Variants in AKAP9 observed in about 807,000 individuals in gnomAD.
AKAP9 encodes the protein A-kinase anchoring protein 9.
AKAP9 carries 311 observed loss-of-function variants against 488.5 expected under a neutral mutation model. The ratio of observed to expected loss-of-function variants is 0.64; its 90% CI spans 0.58 to 0.70. AKAP9 has a LOEUF of 0.70. AKAP9 is among the 30% of genes least tolerant of loss of function. AKAP9 has a pLI of 0.00. For synonymous variants in AKAP9, 1,462 were observed against 1,483.5 expected (o/e 0.99, Z 0.33); for missense variants, 4,215 against 4,374.5 (o/e 0.96, Z 1.03).
In AKAP9 at chr7:92,022,835, T is replaced by A; in HGVS notation, c.3974T>A (p.Leu1325Ter). 6.3e-7 allele frequency: 1 copy of A among 1,598,030 alleles called. No individual in the cohort carries two copies. The highest frequency in any genetic ancestry group is 8.6e-7 in the Non-Finnish European group (1 of 1,167,830). ...EDIDVNHKSK[L>*]SSLQDLEKTK... ...ATAGATGTCAATCATAAAAGCAAGT[T>A]ATCTTCTCTGCAAGATCTTGAAAAA... Residue 1325 changes from leucine to a stop codon, truncating the protein, a stop_gained, in exon 14 of 50, where the codon TTA (leucine) becomes TAA (stop). Coordinates refer to ENST00000356239, the MANE Select transcript of AKAP9 (RefSeq NM_005751.5). LOFTEE classifies it high-confidence loss of function.
Position 92,002,639 on chromosome 7 carries a change from A to G in AKAP9, c.2722A>G (p.Thr908Ala). ...GCTTCATTTGCAAAGAATAAATCCAACTACAGTGAAAATGAAAAGTTCTGT... is the reference window on the plus strand; with the variant it reads ...GCTTCATTTGCAAAGAATAAATCCAGCTACAGTGAAAATGAAAAGTTCTGT... The part of the protein sequence containing the change: ...EELHLQRINP[T>A]TVKMKSSVFD... The change falls in exon 8 of 50, where the codon ACT becomes GCT. Residue 908 changes from threonine (T) to alanine (A), a missense_variant. Physicochemically the swap from Thr to Ala is moderately conservative, Grantham distance 58. Around this residue, in one of 5 missense-constraint regions of AKAP9, gnomAD observed 2,361 missense variants for 2,430.0 expected, o/e 0.97. Transcript: ENST00000356239. 1 of 1,613,114 alleles carries G rather than the reference A, an allele frequency of 6.2e-7. No homozygotes were observed. The highest frequency in any genetic ancestry group is 8.5e-7 in the Non-Finnish European group (1 of 1,179,510).
intron 49 of AKAP9, 36 bp downstream of exon 49, chr7:92,108,669 A>T: frequency 6.2e-7 from 1 of 1,613,660 alleles, no homozygotes; most frequent in Non-Finnish European, 8.5e-7. Flanking sequence ...GCAGCACCAC[A>T]GTGCGAGACC....
chr7:92,038,838 A>G (rs1365766554), intron 17 of AKAP9, 66 bp downstream of exon 17: 12 of 1,086,646 alleles, frequency 1.1e-5, no homozygotes, highest in Non-Finnish European at 5.5e-6. Context: ...CTTTAAAAAT[A>G]TTAGCAATAG....
intron 1 of AKAP9, among the ~76,000 whole-genome samples, chr7:91,966,011 G>A (rs912632190): frequency 1.3e-5 from 2 of 151,948 alleles, no homozygotes; most frequent in African/African-American, 4.8e-5. Context: ...TGATTGTTTC[G>A]TTTGCTGTAC....
In AKAP9 at chr7:92,095,073, T is replaced by G; in HGVS notation, c.9629T>G (p.Leu3210Ter). Residue 3210 changes from leucine to a stop codon, truncating the protein, a stop_gained, in exon 40 of 50, where the codon TTA (leucine) becomes TGA (stop). Coordinates refer to ENST00000356239, the MANE Select transcript of AKAP9 (RefSeq NM_005751.5). LOFTEE classifies it high-confidence loss of function. ...GAAGTACATTTGCTTAATGACACAT[T>G]AGCAAGTGAACAGAAAAAATCAAGA... is the stretch of plus-strand genomic sequence containing the variant. ...TDEVHLLNDT[L>*]ASEQKKSREL... The G allele has an allele frequency of 6.2e-7, 1 of 1,613,818 alleles. No homozygotes were observed. The highest frequency in any genetic ancestry group is 8.5e-7 in the Non-Finnish European group (1 of 1,179,708).
intron 4 of AKAP9, among the ~76,000 whole-genome samples, chr7:91,992,536 C>T (rs571233105): frequency 2.6e-5 from 4 of 151,674 alleles, no homozygotes; most frequent in Non-Finnish European, 4.4e-5. Flanking sequence ...TGGTGGCAGC[C>T]GCCTGTAGTC....
rs761812480 is a variant in AKAP9, at chr7:92,029,852, C to CAT, written c.4149-39_4149-38dup. The CAT allele has an allele frequency of 9.4e-6, 14 of 1,492,538 alleles. No individual in the cohort carries two copies. The East Asian group carries it at 3.2e-4, about 34-fold the overall frequency. 92.5% of individuals were successfully genotyped at this position (1,492,538 alleles called of 1,614,324 possible). A position where few individuals can be genotyped will look rare whatever the true frequency, so the allele number is the denominator to read the frequency against. ...TAGATTTTGCATGAACACTAAAGCA[C>CAT]ATATACAACTCTAATTCTTTAACCT... is the stretch of plus-strand genomic sequence containing the variant. On this transcript the variant is annotated intron_variant, in intron 14 of 49. Transcript: ENST00000356239.
intron 24 of AKAP9, among the ~76,000 whole-genome samples, chr7:92,064,936 A>C (rs1584392282): frequency 6.9e-6 from 1 of 144,620 alleles, no homozygotes; most frequent in African/African-American, 2.5e-5. Context: ...GTAAAAATAG[A>C]TTTTTTTTTT....
At chr7:91,974,459 G>T (rs2130565383) in intron 2 of AKAP9, among the ~76,000 whole-genome samples, 1 of 152,298 alleles carries the variant, frequency 6.6e-6, no homozygotes, top group African/African-American at 2.4e-5. Flanking sequence ...ATATTCTGTA[G>T]ATCTGTATGT....
At chr7:91,964,630 A>G (rs895232804) in intron 1 of AKAP9, among the ~76,000 whole-genome samples, 20 of 152,152 alleles carry the variant, frequency 1.3e-4, no homozygotes, top group African/African-American at 4.8e-4. Context: ...AAAACATTAG[A>G]TAGTATTGTA....
At chr7:92,013,479 G>C (rs554019595) in intron 9 of AKAP9, among the ~76,000 whole-genome samples, 1 of 152,320 alleles carries the variant, frequency 6.6e-6, no homozygotes, top group African/African-American at 2.4e-5. Flanking sequence ...TGCTGTTGGT[G>C]ATAAGACCTA....
In AKAP9 at chr7:91,973,955, G is replaced by A. The variant is rs558750736; in HGVS notation, c.293G>A (p.Gly98Asp). The change falls in exon 2 of 50, where the codon GGC (glycine) becomes GAC (aspartate). Residue 98 changes from glycine (G) to aspartate (D), a missense_variant. Gly to Asp is a moderately conservative substitution (Grantham distance 94). Around this residue, in one of 5 missense-constraint regions of AKAP9, gnomAD observed 2,361 missense variants for 2,430.0 expected, o/e 0.97. Transcript: ENST00000356239. ...HSGEITSHEQ[G>D]FSVELESEIS... ...GGAGAAATAACCAGTCATGAGCAGGGCTTCTCTGTGGAAGTAAGTATTCTC... is the reference window on the plus strand; with the variant it reads ...GGAGAAATAACCAGTCATGAGCAGGACTTCTCTGTGGAAGTAAGTATTCTC... The A allele has an allele frequency of 1.9e-6, 3 of 1,613,918 alleles. No homozygotes were observed. The highest frequency in any genetic ancestry group is 2.5e-6 in the Non-Finnish European group (3 of 1,179,950).
At chr7:91,974,885 C>CT (rs200132400) in intron 2 of AKAP9, among the ~76,000 whole-genome samples, 2,176 of 151,958 alleles carry the variant, frequency 0.014, 45 homozygotes, top group African/African-American at 0.05. Flanking sequence ...GGTTCTCACT[C>CT]TGTCACCGAG....
At position 92,045,232 on chromosome 7, in the gene AKAP9, G is replaced by A. The variant is rs775183541; in HGVS notation, c.5368+19G>A. 2 of 1,607,448 alleles carry A rather than the reference G, an allele frequency of 1.2e-6. No individual in the cohort carries two copies. Among genetic ancestry groups the A allele is most frequent in the Non-Finnish European group, 1.7e-6 (2 of 1,174,162 alleles). On this transcript the variant is annotated intron_variant, in intron 21 of 49. Coordinates refer to ENST00000356239, the MANE Select transcript of AKAP9 (RefSeq NM_005751.5). ...ACAAGAGGTACTAGTTTTCTGTGTT[G>A]TGGAAACAATCATTTCAACAAATCT...
Position 92,022,945 on chromosome 7 carries a change from G to A in AKAP9, c.4084G>A (p.Glu1362Lys). ...QQLKETEQNY[E>K]AEIHCLQKRL... ...GTTGAAAGAAACTGAACAAAACTAT[G>A]AGGCAGAGATCCACTGTTTACAGAA... Residue 1362 changes from glutamate (E) to lysine (K), a missense_variant, in exon 14 of 50, where the codon GAG becomes AAG. Around this residue, in one of 5 missense-constraint regions of AKAP9, gnomAD observed 2,361 missense variants for 2,430.0 expected, o/e 0.97. Coordinates refer to ENST00000356239, the MANE Select transcript of AKAP9 (RefSeq NM_005751.5). The A allele has an allele frequency of 2.5e-6, 4 of 1,614,016 alleles. No homozygotes were observed. Among genetic ancestry groups the A allele is most frequent in the Non-Finnish European group, 3.4e-6 (4 of 1,179,932 alleles).
intron 28 of AKAP9, 30 bp downstream of exon 28, chr7:92,071,039 G>A (rs749413872): frequency 1.1e-4 from 172 of 1,528,120 alleles, no homozygotes; most frequent in Middle Eastern, 1.7e-4. Flanking sequence ...ATGACACAGC[G>A]TGGTTTGAAT....
At position 92,061,389 on chromosome 7, in the gene AKAP9, G is replaced by T; in HGVS notation, c.5731G>T (p.Glu1911Ter). ...ERLHEESRAR[E>*]QLAVELSKAE... ...CCTTCATGAGGAGTCCAGGGCCAGA[G>T]AACAGCTAGCTGTGGAGCTCAGTAA... The change falls in exon 23 of 50, where the codon GAA (glutamate) becomes TAA (stop). Residue 1911 changes from glutamate (E) to a stop codon, truncating the protein, a stop_gained. Transcript: ENST00000356239. LOFTEE classifies it high-confidence loss of function. 6.2e-7 allele frequency: 1 copy of T among 1,612,812 alleles called. No individual in the cohort carries two copies. Among genetic ancestry groups the T allele is most frequent in the Non-Finnish European group, 8.5e-7 (1 of 1,179,404 alleles).
chr7:91,941,246 A>G lies in AKAP9; in HGVS notation c.48+99A>G. The G allele has an allele frequency of 8.3e-6, 10 of 1,205,918 alleles. 1 individual carries two copies. The South Asian group carries it at 1.1e-4, about 13-fold the overall frequency. 74.7% of individuals were successfully genotyped at this position (1,205,918 alleles called of 1,614,324 possible). ...GCGGAGTTCGCCGCAGCCCCAGTGC[A>G]CTGCCCGAGAGGGAGGTGCTGCAGG... is the stretch of plus-strand genomic sequence containing the variant. On this transcript the variant is annotated intron_variant, in intron 1 of 49. Coordinates refer to ENST00000356239, the MANE Select transcript of AKAP9 (RefSeq NM_005751.5).
rs1262697608 is a variant in AKAP9 at position 92,107,432 on chromosome 7, T to C, written c.11546+10T>C. 6.2e-7 allele frequency: 1 copy of C among 1,612,410 alleles called. No homozygotes were observed. The highest frequency in any genetic ancestry group is 1.7e-5 in the Admixed American group (1 of 60,020). Reference sequence around the variant, plus strand: ...TACCATTTCAGAATAGGTAAGAATATGAGAAAACCTGCCTGGAATTGTTAA... The same window carrying C: ...TACCATTTCAGAATAGGTAAGAATACGAGAAAACCTGCCTGGAATTGTTAA... On this transcript the variant is annotated intron_variant, in intron 48 of 49. Coordinates refer to ENST00000356239, the MANE Select transcript of AKAP9 (RefSeq NM_005751.5).
Sources: allele counts gnomAD v4.1 joint callset (sites outside exome capture counted in the v4.1 genomes callset), GRCh38; gene constraint gnomAD v4.1.1; regional missense constraint gnomAD v4.1.1; transcripts MANE v1.5; gene names NCBI Gene and HGNC (gene_info 2026-07-23, HGNC 2026-07-21).